Variants in TCF7L2 observed in about 807,000 individuals in gnomAD.
The protein encoded by TCF7L2 is transcription factor 7-like 2.
A neutral mutation model predicts 77.9 loss-of-function variants in TCF7L2; 23 were observed. The ratio of observed to expected loss-of-function variants is 0.30; its 90% confidence interval spans 0.21 to 0.42. The LOEUF is 0.42. TCF7L2 is among the 10% of genes least tolerant of loss of function. The pLI is 1.00. For missense variants in TCF7L2, 654 were observed against 793.1 expected, an observed-to-expected ratio of 0.82 and a Z score of 2.11; for synonymous variants, 413 against 340.2, an observed-to-expected ratio of 1.21 and a Z score of -2.36.
At chr10:113,033,311 T>C (rs1458570626) in intron 4 of TCF7L2, among the ~76,000 whole-genome samples, 1 of 151,986 alleles carries the variant, frequency 6.6e-6, no homozygotes, top group Non-Finnish European at 1.5e-5. Flanking sequence ...CAGGCTGGAG[T>C]GCAGTGGCAC....
At chr10:113,112,816 C>T (rs2063297862) in intron 5 of TCF7L2, among the ~76,000 whole-genome samples, 1 of 152,164 alleles carries the variant, frequency 6.6e-6, no homozygotes, top group African/African-American at 2.4e-5. Flanking sequence ...GTGTTTTAAG[C>T]TTATGAGGCA....
chr10:112,980,660 G>T (rs1215420997), intron 4 of TCF7L2, among the ~76,000 whole-genome samples: 2 of 148,816 alleles, frequency 1.3e-5, no homozygotes, highest in African/African-American at 5.0e-5. Context: ...GTCTCACTCT[G>T]TCGCCCAGCC....
chr10:113,072,457 C>T (rs1056162813), intron 5 of TCF7L2, among the ~76,000 whole-genome samples: 4 of 152,132 alleles, frequency 2.6e-5, no homozygotes, highest in African/African-American at 4.8e-5. Context: ...CGGGTTCAAG[C>T]GATTCTCCAG....
chr10:113,085,878 A>G (rs2059786645), intron 5 of TCF7L2, among the ~76,000 whole-genome samples: 1 of 152,252 alleles, frequency 6.6e-6, no homozygotes, highest in African/African-American at 2.4e-5. Flanking sequence ...GCTGTTCAGC[A>G]TCTGTGGTCT....
At chr10:113,073,129 T>TGA (rs1555010150) in intron 5 of TCF7L2, among the ~76,000 whole-genome samples, 22 of 123,572 alleles carry the variant, frequency 1.8e-4, no homozygotes, top group Middle Eastern at 4.1e-3. Flanking sequence ...TGTGTGTGTG[T>TGA]GAGAGAGAGA....
chr10:113,156,240 C>G (rs290482), intron 11 of TCF7L2, among the ~76,000 whole-genome samples: 134,591 of 151,992 alleles, frequency 0.89, 59,776 homozygotes, highest in East Asian at 0.99. Context: ...TCAGCCTCCC[C>G]AGTAGCTGGG....
intron 4 of TCF7L2, among the ~76,000 whole-genome samples, chr10:113,033,960 G>T (rs2050685594): frequency 6.6e-6 from 1 of 152,184 alleles, no homozygotes; most frequent in Admixed American, 6.5e-5. Flanking sequence ...ATGATTCAGA[G>T]GGTAGGGCAG....
chr10:113,120,002 G>A (rs1250904363), intron 5 of TCF7L2, among the ~76,000 whole-genome samples: 1 of 152,020 alleles, frequency 6.6e-6, no homozygotes, highest in Non-Finnish European at 1.5e-5. Context: ...TTCCTTTCTC[G>A]CCATTTGAAA....
intron 4 of TCF7L2, among the ~76,000 whole-genome samples, chr10:112,976,420 C>G (rs2039436723): frequency 6.6e-6 from 1 of 152,184 alleles, no homozygotes; most frequent in Non-Finnish European, 1.5e-5. Context: ...TCTTATGTCA[C>G]TGAAAATTTT....
intron 1 of TCF7L2, 58 bp downstream of exon 1, chr10:112,951,003 T>TG: frequency 6.4e-7 from 1 of 1,551,750 alleles, no homozygotes; most frequent in Non-Finnish European, 8.7e-7. Context: ...GCTTGGCAAA[T>TG]GTTGCTGAAA....
intron 5 of TCF7L2, among the ~76,000 whole-genome samples, chr10:113,053,368 G>A (rs115435113): frequency 0.013 from 1,908 of 152,260 alleles, 44 homozygotes; most frequent in African/African-American, 0.044. Context: ...GTTTTCAGTT[G>A]GCAAAGTAGA....
rs1318087352 is a variant in TCF7L2, at chr10:113,055,112, C to T, written c.552+14986C>T. On this transcript the variant is annotated intron_variant, in intron 5 of 13. Coordinates refer to ENST00000627217, the MANE Select transcript of TCF7L2 (RefSeq NM_001146274.2). ...TATGTAGGTACCTATATATGAGTTT[C>T]TCTAGGATTCATACCAAAGTAGAGG... is the stretch of plus-strand genomic sequence containing the variant. Among the ~76,000 whole-genome samples, 5 of 152,278 alleles carry T rather than the reference C, an allele frequency of 3.3e-5. No individual in the cohort carries two copies. The East Asian group carries it at 9.6e-4, about 29-fold the overall frequency.
rs1238877546 is a variant in TCF7L2 at position 113,161,711 on chromosome 10, T to A, written c.1391+1020T>A. The A allele has an allele frequency of 6.5e-6, 8 of 1,235,368 alleles. No individual in the cohort carries two copies. The African/African-American group carries it at 8.9e-5, about 14-fold the overall frequency. The allele number at this position is 1,235,368 out of a possible 1,614,324, so 76.5% of individuals were successfully genotyped here. A position where few individuals can be genotyped will look rare whatever the true frequency, so the allele number is the denominator to read the frequency against. Reference sequence around the variant, plus strand: ...ATGTGCTCCGTGTTTAGACGTTAGATCAGATGTGCATCCCATTACGTGCAT... The same window carrying A: ...ATGTGCTCCGTGTTTAGACGTTAGAACAGATGTGCATCCCATTACGTGCAT... On this transcript the variant is annotated intron_variant, in intron 13 of 13. Coordinates refer to ENST00000627217, the MANE Select transcript of TCF7L2 (RefSeq NM_001146274.2).
chr10:112,957,772 G>A (rs1407522728), intron 3 of TCF7L2, among the ~76,000 whole-genome samples: 1 of 152,180 alleles, frequency 6.6e-6, no homozygotes, highest in African/African-American at 2.4e-5. Context: ...AAGCATCTGA[G>A]GGTGAGGCAT....
rs1027559421 is a variant in TCF7L2 at position 112,981,782 on chromosome 10, C to T, written c.450+17158C>T. 2.6e-5 allele frequency among the ~76,000 whole-genome samples: 4 copies of T among 152,172 alleles called. No homozygotes were observed. The South Asian group carries it at 6.2e-4, about 24-fold the overall frequency. On this transcript the variant is annotated intron_variant, in intron 4 of 13. Transcript: ENST00000627217. The stretch of plus-strand genomic sequence containing the variant: ...GCCCTGAGAGTGGATTTTTATCTTT[C>T]GATCTGACTTCTGTTTTGGTCATGG...
intron 4 of TCF7L2, among the ~76,000 whole-genome samples, chr10:112,983,592 GT>G (rs1319810026): frequency 1.3e-5 from 2 of 152,198 alleles, no homozygotes; most frequent in African/African-American, 4.8e-5. Flanking sequence ...TTTATGTGGG[GT>G]TTCCCTTGGG....
rs564045439 is a variant in TCF7L2, at chr10:113,019,152, G to A, written c.451-20873G>A. ...AAGCACCTTTGGGGAAGTCCTCACGGACAGGAATGTCGTGTGTCTTGGCTT... is the reference window on the plus strand; with the variant it reads ...AAGCACCTTTGGGGAAGTCCTCACGAACAGGAATGTCGTGTGTCTTGGCTT... On this transcript the variant is annotated intron_variant, in intron 4 of 13. Transcript: ENST00000627217. Among the ~76,000 whole-genome samples, 24 of 152,364 alleles carry A rather than the reference G, an allele frequency of 1.6e-4. No homozygotes were observed. The South Asian group carries it at 5.0e-3, about 32-fold the overall frequency.
At chr10:113,037,018 C>A (rs557938530) in intron 4 of TCF7L2, among the ~76,000 whole-genome samples, 3 of 152,224 alleles carry the variant, frequency 2.0e-5, no homozygotes, top group African/African-American at 7.2e-5. Flanking sequence ...AATAGAAATT[C>A]CTGCTGCTTA....
chr10:113,046,792 C>T (rs2053541745), intron 5 of TCF7L2, among the ~76,000 whole-genome samples: 1 of 152,140 alleles, frequency 6.6e-6, no homozygotes, highest in Admixed American at 6.5e-5. Flanking sequence ...CCCATAATCT[C>T]ACCACTCGGA....
Sources: gnomAD v4.1 joint callset for allele counts (sites outside exome capture counted in the v4.1 genomes callset) on GRCh38, gnomAD v4.1.1 for gene constraint, MANE v1.5 for transcripts, NCBI Gene and HGNC (gene_info 2026-07-23, HGNC 2026-07-21) for gene names.